The following DMD variants were observed in gnomAD, a reference collection of about 807,000 sequenced individuals.
The protein encoded by DMD is dystrophin, also known as mutant dystrophin.
A neutral mutation model predicts 330.1 loss-of-function variants in DMD; 63 were observed. The observed-to-expected ratio is 0.19, with a 90% confidence interval of 0.16 to 0.24. The LOEUF (loss-of-function observed/expected upper bound fraction) is 0.24. Ranked by LOEUF, DMD falls within the 10% of genes least tolerant of loss-of-function variation. The pLI is 1.00. For missense variants in DMD, 3,344 were observed against 2,684.1 expected, an observed-to-expected ratio of 1.25 and a Z score of -5.43; for synonymous variants, 1,223 against 959.8, an observed-to-expected ratio of 1.27 and a Z score of -5.07.
chrX:32,552,825 C>A (rs2049731269), intron 16 of DMD, among the ~76,000 whole-genome samples: 2 of 111,801 alleles, frequency 1.8e-5, no homozygotes, highest in Non-Finnish European at 3.8e-5. Context: ...TGCTGAACAT[C>A]AATAATCATT....
At chrX:31,596,263 C>CT (rs1468545732) in intron 55 of DMD, among the ~76,000 whole-genome samples, 3 of 111,870 alleles carry the variant, frequency 2.7e-5, no homozygotes, top group African/African-American at 9.7e-5. Flanking sequence ...GTAAACTACT[C>CT]TAAGATTTAT....
At chrX:32,359,997 G>T (rs1451445465) in intron 37 of DMD, among the ~76,000 whole-genome samples, 2 of 110,458 alleles carry the variant, frequency 1.8e-5, no homozygotes, top group Non-Finnish European at 3.8e-5. Context: ...CAATGAAATG[G>T]ATATGCAGAA....
intron 45 of DMD, among the ~76,000 whole-genome samples, chrX:31,943,925 G>A (rs980607930): frequency 4.1e-5 from 4 of 97,545 alleles, no homozygotes; most frequent in African/African-American, 1.6e-4. Flanking sequence ...GAGAGAGAGA[G>A]AGAAAAGGGA....
intron 9 of DMD, among the ~76,000 whole-genome samples, chrX:32,660,840 A>G (rs893719222): frequency 8.9e-6 from 1 of 111,746 alleles, no homozygotes; most frequent in Non-Finnish European, 1.9e-5. Flanking sequence ...ATTTCTGTGT[A>G]GTAAAATAGA....
At chrX:31,537,151 C>A (rs998431241) in intron 55 of DMD, among the ~76,000 whole-genome samples, 4 of 111,946 alleles carry the variant, frequency 3.6e-5, no homozygotes, top group African/African-American at 1.3e-4. Flanking sequence ...TTCCTTGTTG[C>A]TAAATTAATA....
intron 74 of DMD, among the ~76,000 whole-genome samples, chrX:31,168,511 G>A (rs1456116128): frequency 9.0e-6 from 1 of 111,458 alleles, no homozygotes; most frequent in African/African-American, 3.3e-5. Context: ...TGGAAGAGTG[G>A]CAGTTTGTTT....
rs1569519853 is a variant in DMD at position 31,293,201 on chromosome X, TTTA to T, written c.9224+30394_9224+30396del. ...GTGTGTGTGTGTGTGTGTAGTCTGG[TTTA>T]GTGTGTGTGTGTGTGTGTGTGTGTG... On this transcript the variant is annotated intron_variant, in intron 62 of 78. Transcript: ENST00000357033. 5.2e-3 allele frequency among the ~76,000 whole-genome samples: 258 copies of T among 49,993 alleles called. 2 individuals carry two copies. Among genetic ancestry groups the T allele is most frequent in the African/African-American group, 0.034 (200 of 5,892 alleles). The allele number at this position is 49,993 out of a possible 115,157, so 43.4% of individuals were successfully genotyped here.
At chrX:31,768,952 G>A (rs2090171334) in intron 51 of DMD, among the ~76,000 whole-genome samples, 1 of 111,908 alleles carries the variant, frequency 8.9e-6, no homozygotes, top group Admixed American at 9.5e-5. Flanking sequence ...AATTAAAGTT[G>A]TAATTGTAGC....
intron 26 of DMD, among the ~76,000 whole-genome samples, chrX:32,452,813 A>G (rs1234539100): frequency 9.0e-6 from 1 of 111,067 alleles, no homozygotes; most frequent in Non-Finnish European, 1.9e-5. Flanking sequence ...TACTCTAACA[A>G]AACCCGTTTG....
intron 62 of DMD, among the ~76,000 whole-genome samples, chrX:31,287,740 G>T (rs757971684): frequency 8.9e-6 from 1 of 112,150 alleles, no homozygotes; most frequent in East Asian, 2.8e-4. Context: ...GCTAGTTATA[G>T]GCATTTATTT....
intron 74 of DMD, among the ~76,000 whole-genome samples, chrX:31,154,107 T>G (rs1199793097): frequency 9.0e-6 from 1 of 111,099 alleles, no homozygotes; most frequent in African/African-American, 3.3e-5. Flanking sequence ...ATTGAGCCAT[T>G]TAGCCCTTAT....
chrX:31,478,311 A>T lies in DMD; in HGVS notation c.8732T>A (p.Val2911Asp). Residue 2911 changes from valine (V) to aspartate (D), a missense_variant, in exon 59 of 79, where the codon GTC (valine) becomes GAC (aspartate). Transcript: ENST00000357033. ...GTTCAATTTTTCCCACTCAGTATTG[A>T]CCTCCTCAGCCTGCTTTCGTAGAAG... ...TRLLRKQAEEVNTEWEKLNLH... is the reference protein window; with the variant it reads ...TRLLRKQAEEDNTEWEKLNLH... The T allele has an allele frequency of 8.3e-7, 1 of 1,210,070 alleles. No individual in the cohort carries two copies. Among genetic ancestry groups the T allele is most frequent in the Non-Finnish European group, 1.1e-6 (1 of 895,102 alleles).
intron 43 of DMD, among the ~76,000 whole-genome samples, chrX:32,249,980 A>T (rs944083162): frequency 2.0e-5 from 2 of 101,904 alleles, no homozygotes; most frequent in Non-Finnish European, 4.0e-5. Flanking sequence ...TTTTGTACAT[A>T]ATGTCCCACT....
chrX:32,618,039 A>G lies in DMD; in HGVS notation c.1332-3586T>C, dbSNP rs144847905. 7.9e-3 allele frequency among the ~76,000 whole-genome samples: 883 copies of G among 112,110 alleles called. 14 individuals carry two copies. The highest frequency in any genetic ancestry group is 0.027 in the African/African-American group (839 of 30,943). ...ATGAGGTATCAGCTTACTTGCAAAG[A>G]AAAGGGAACACTTATACACTGTTTG... On this transcript the variant is annotated intron_variant, in intron 11 of 78. Transcript: ENST00000357033.
intron 49 of DMD, among the ~76,000 whole-genome samples, chrX:31,828,698 A>C (rs140070810): frequency 9.1e-6 from 1 of 109,747 alleles, no homozygotes; most frequent in African/African-American, 3.3e-5. Context: ...AACCCTGAAC[A>C]TACCAGTAAC....
chrX:31,694,617 C>CATATATATATATAT (rs34933227), intron 52 of DMD, among the ~76,000 whole-genome samples: 103 of 58,144 alleles, frequency 1.8e-3, no homozygotes, highest in Admixed American at 4.2e-3. Context: ...TGACAAACAG[C>CATATATATATATAT]ATATATATAT....
At chrX:31,451,809 A>G (rs1457609756) in intron 59 of DMD, among the ~76,000 whole-genome samples, 1 of 107,769 alleles carries the variant, frequency 9.3e-6, no homozygotes, top group Non-Finnish European at 1.9e-5. Flanking sequence ...ATTCTCGACA[A>G]TAAATTATGC....
At chrX:32,054,978 T>G (rs1228717454) in intron 44 of DMD, among the ~76,000 whole-genome samples, 1 of 110,600 alleles carries the variant, frequency 9.0e-6, no homozygotes, top group East Asian at 2.9e-4. Context: ...TTCCAAAATC[T>G]AGTTATTCTG....
intron 52 of DMD, among the ~76,000 whole-genome samples, chrX:31,697,877 C>T (rs1052900665): frequency 8.1e-5 from 9 of 111,542 alleles, no homozygotes; most frequent in East Asian, 2.8e-4. Flanking sequence ...CCTGGATTAG[C>T]GATGAAATAG....
Sources: allele counts gnomAD v4.1 joint callset (sites outside exome capture counted in the v4.1 genomes callset), GRCh38; gene constraint gnomAD v4.1.1; transcripts MANE v1.5; gene names NCBI Gene and HGNC (gene_info 2026-07-23, HGNC 2026-07-21).